Variants in MYOCD observed in about 807,000 individuals in gnomAD.
The protein encoded by MYOCD is myocardin.
Under a neutral mutation model 96.1 loss-of-function variants are expected in MYOCD, and 32 were observed. The ratio of observed to expected loss-of-function variants is 0.33; its 90% CI spans 0.25 to 0.45. The LOEUF (loss-of-function observed/expected upper bound fraction) is 0.45, where lower values mean the gene tolerates loss of function less well. MYOCD is among the 20% of genes least tolerant of loss of function. The pLI, the probability that MYOCD is intolerant of heterozygous loss-of-function variation, is 1.00. For missense variants in MYOCD, 1,133 were observed against 1,200.6 expected, an observed-to-expected ratio of 0.94 and a Z score of 0.83; for synonymous variants, 469 against 469.0, an observed-to-expected ratio of 1.00 and a Z score of 0.00.
At chr17:12,711,195 A>G (rs1052592189) in intron 2 of MYOCD, among the ~76,000 whole-genome samples, 3 of 152,218 alleles carry the variant, frequency 2.0e-5, no homozygotes, top group Non-Finnish European at 4.4e-5. Flanking sequence ...TATATATAAA[A>G]AAAATTCTCA....
intron 7 of MYOCD, among the ~76,000 whole-genome samples, chr17:12,743,123 G>T (rs1230128645): frequency 6.6e-6 from 1 of 152,166 alleles, no homozygotes; most frequent in Non-Finnish European, 1.5e-5. Context: ...TCAAAAATTT[G>T]TCTTATCTTC....
rs1425504089 is a variant in MYOCD at position 12,768,114 on chromosome 17, G to A, written c.*4470G>A. On this transcript the variant is annotated 3_prime_UTR_variant, in exon 14 of 14. Transcript: ENST00000425538. ...TCATAAATCCAATATAAATTTGTAGGTTGGTTCAGGGTCAAAATTGCCAGT... is the reference window on the plus strand; with the variant it reads ...TCATAAATCCAATATAAATTTGTAGATTGGTTCAGGGTCAAAATTGCCAGT... The A allele has an allele frequency of 6.6e-6, 1 of 152,132 alleles. No homozygotes were observed. The highest frequency in any genetic ancestry group is 1.5e-5 in the Non-Finnish European group (1 of 68,032). The allele number at this position is 152,132 out of a possible 1,614,324, so 9.4% of individuals were successfully genotyped here. A position where few individuals can be genotyped will look rare whatever the true frequency, so the allele number is the denominator to read the frequency against.
At chr17:12,667,368 GA>G (rs1284619341) in intron 1 of MYOCD, among the ~76,000 whole-genome samples, 2 of 152,154 alleles carry the variant, frequency 1.3e-5, no homozygotes, top group Admixed American at 6.5e-5. Context: ...GAAAACTCAA[GA>G]GCTTAGGCGG....
chr17:12,722,288 G>A (rs1273797185), intron 4 of MYOCD, among the ~76,000 whole-genome samples: 1 of 152,154 alleles, frequency 6.6e-6, no homozygotes, highest in Non-Finnish European at 1.5e-5. Flanking sequence ...TCCAAATGAT[G>A]AGAAACTGCC....
chr17:12,706,780 TTTG>T (rs1463443115), intron 2 of MYOCD, among the ~76,000 whole-genome samples: 3 of 152,166 alleles, frequency 2.0e-5, no homozygotes, highest in African/African-American at 7.2e-5. Flanking sequence ...AATATAATAT[TTTG>T]TTCCCCAGGA....
At chr17:12,715,628 G>A in intron 3 of MYOCD, 54 bp downstream of exon 3, 3 of 1,413,544 alleles carry the variant, frequency 2.1e-6, no homozygotes, top group Non-Finnish European at 3.0e-6. Context: ...ATGAATCTCT[G>A]AATGCTAATC....
At chr17:12,673,584 A>G (rs1471473890) in intron 1 of MYOCD, among the ~76,000 whole-genome samples, 2 of 152,230 alleles carry the variant, frequency 1.3e-5, no homozygotes, top group East Asian at 1.9e-4. Context: ...TATAATCTTT[A>G]TATTATAAAT....
rs990646253 is a variant in MYOCD, at chr17:12,766,537, A to G, written c.*2893A>G. 6.6e-6 allele frequency: 1 copy of G among 152,218 alleles called. No individual in the cohort carries two copies. Among genetic ancestry groups the G allele is most frequent in the Non-Finnish European group, 1.5e-5 (1 of 68,048 alleles). 9.4% of individuals were successfully genotyped at this position (152,218 alleles called of 1,614,324 possible). On this transcript the variant is annotated 3_prime_UTR_variant, in exon 14 of 14. Coordinates refer to ENST00000425538, the MANE Select transcript of MYOCD (RefSeq NM_001146312.3). ...AGGGAGAAAACTGGAGATAATTGGG[A>G]GAAAATTGATGAAGTTGGCTGCTTC...
chr17:12,743,956 C>A (rs926980028), intron 7 of MYOCD, among the ~76,000 whole-genome samples: 1 of 152,236 alleles, frequency 6.6e-6, no homozygotes, highest in African/African-American at 2.4e-5. Flanking sequence ...TAAGATTCAA[C>A]ATTCCCTGTC....
chr17:12,741,956 C>G (rs775564563), intron 7 of MYOCD, among the ~76,000 whole-genome samples: 12 of 152,070 alleles, frequency 7.9e-5, no homozygotes, highest in Non-Finnish European at 1.2e-4. Context: ...TTACCCCAGA[C>G]TATCCAGAGT....
rs551707033 is a variant in MYOCD, at chr17:12,716,614, C to T, written c.178-732C>T. Among the ~76,000 whole-genome samples the T allele has an allele frequency of 3.9e-5, 6 of 152,152 alleles. No homozygotes were observed. In the East Asian group the frequency reaches 9.7e-4, roughly 25 times the overall value. ...AAGCGAATAACGGGAAAGAGGCATA[C>T]GTTGTCATGTTATATTAGATGGATT... is the stretch of plus-strand genomic sequence containing the variant. On this transcript the variant is annotated intron_variant, in intron 3 of 13. Transcript: ENST00000425538.
Position 12,763,579 on chromosome 17 carries a change from G to A in MYOCD, c.2896G>A (p.Asp966Asn), listed in dbSNP as rs748342025. 17 of 1,613,942 alleles carry A rather than the reference G, an allele frequency of 1.1e-5. No individual in the cohort carries two copies. Among genetic ancestry groups the A allele is most frequent in the East Asian group, 8.9e-5 (4 of 44,886 alleles). Residue 966 changes from aspartate (D) to asparagine (N), a missense_variant, in exon 14 of 14, where the codon GAT becomes AAT. Physicochemically the swap from Asp to Asn is conservative, Grantham distance 23. Transcript: ENST00000425538. ...TTSSPSIFNIDFLDVTDLNLN... is the reference protein window; with the variant it reads ...TTSSPSIFNINFLDVTDLNLN... ...CAGCAGCCCCAGCATCTTCAACATC[G>A]ATTTCCTGGATGTCACTGATCTCAA... is the stretch of plus-strand genomic sequence containing the variant.
At chr17:12,726,929 C>A (rs921657624) in intron 5 of MYOCD, among the ~76,000 whole-genome samples, 1 of 151,996 alleles carries the variant, frequency 6.6e-6, no homozygotes, top group Admixed American at 6.6e-5. Context: ...CTCAAATTTT[C>A]TCCTTAATTT....
In MYOCD at chr17:12,726,851, G is replaced by A. The variant is rs756318663; in HGVS notation, c.415+3843G>A. On this transcript the variant is annotated intron_variant, in intron 5 of 13. Transcript: ENST00000425538. ...AATCGTAGGAAACCAAGGAAATTAA[G>A]AAACCAGTGCCTTTTCCAAGAGTAG... is the stretch of plus-strand genomic sequence containing the variant. Among the ~76,000 whole-genome samples, 56 of 152,264 alleles carry A rather than the reference G, an allele frequency of 3.7e-4. 2 individuals are homozygous for A. The highest frequency in any genetic ancestry group is 9.2e-4 in the Admixed American group (14 of 15,290).
intron 1 of MYOCD, among the ~76,000 whole-genome samples, chr17:12,675,320 A>G (rs1406024526): frequency 6.6e-6 from 1 of 152,212 alleles, no homozygotes; most frequent in East Asian, 1.9e-4. Context: ...AACAGATACA[A>G]TTTTATCACA....
chr17:12,705,372 C>T (rs960479243), intron 2 of MYOCD, 179 bp downstream of exon 2: 2 of 521,374 alleles, frequency 3.8e-6, no homozygotes, highest in Non-Finnish European at 6.9e-6. Flanking sequence ...TACCTACTCA[C>T]CTGCAAGGGG....
rs568016635 is a variant in MYOCD at position 12,755,914 on chromosome 17, T to G, written c.2059-500T>G. Among the ~76,000 whole-genome samples, 12 of 152,090 alleles carry G rather than the reference T, an allele frequency of 7.9e-5. 1 individual carries two copies. The highest frequency in any genetic ancestry group is 1.8e-4 in the Non-Finnish European group (12 of 67,978). On this transcript the variant is annotated intron_variant, in intron 10 of 13. Coordinates refer to ENST00000425538, the MANE Select transcript of MYOCD (RefSeq NM_001146312.3). Reference sequence around the variant, plus strand: ...TAAAAAAATAAAGAACAATATAGGTTAACAATGACTGATCTATGCTTACAA... The same window carrying G: ...TAAAAAAATAAAGAACAATATAGGTGAACAATGACTGATCTATGCTTACAA...
chr17:12,679,451 A>T (rs1910316570), intron 1 of MYOCD, among the ~76,000 whole-genome samples: 1 of 152,194 alleles, frequency 6.6e-6, no homozygotes, highest in Non-Finnish European at 1.5e-5. Flanking sequence ...AGAGACAGAA[A>T]GTATTCTCAA....
At position 12,722,861 on chromosome 17, in the gene MYOCD, A is replaced by G. The variant is rs1420818848; in HGVS notation, c.268A>G (p.Arg90Gly). 1 of 1,613,162 alleles carries G rather than the reference A, an allele frequency of 6.2e-7. No homozygotes were observed. Among genetic ancestry groups the G allele is most frequent in the East Asian group, 2.2e-5 (1 of 44,850 alleles). ...CAACCCTTTAGCTTCCACTGCAGAG[A>G]GGTCCATTCCAACTGCTCAGATGAA... The part of the protein sequence containing the change: ...MHILQASTAE[R>G]SIPTAQMKLK... The change falls in exon 5 of 14, where the codon AGG (arginine) becomes GGG (glycine). Residue 90 changes from arginine (R) to glycine (G), a missense_variant. Transcript: ENST00000425538.
Sources: allele counts gnomAD v4.1 joint callset (sites outside exome capture counted in the v4.1 genomes callset), GRCh38; gene constraint gnomAD v4.1.1; transcripts MANE v1.5; gene names NCBI Gene and HGNC (gene_info 2026-07-23, HGNC 2026-07-21).